Variants in RRAGB observed in about 807,000 individuals in gnomAD.
The protein encoded by RRAGB is ras-related GTP-binding protein B.
RRAGB carries 6 observed loss-of-function variants against 29.3 expected under a neutral mutation model. The ratio of observed to expected loss-of-function variants is 0.21; its 90% CI spans 0.11 to 0.40. The LOEUF (loss-of-function observed/expected upper bound fraction) is 0.40. Ranked by LOEUF, RRAGB falls within the 10% of genes least tolerant of loss-of-function variation. RRAGB has a pLI of 1.00. For missense variants in RRAGB, 184 were observed against 272.9 expected (o/e 0.67, Z 2.29); for synonymous variants, 101 against 92.5 (o/e 1.09, Z -0.53).
At chrX:55,733,092 A>G (rs982638304) in intron 5 of RRAGB, among the ~76,000 whole-genome samples, 3 of 111,053 alleles carry the variant, frequency 2.7e-5, no homozygotes, top group African/African-American at 6.6e-5. Context: ...ATTATACCCA[A>G]TAGGTAATTT....
chrX:55,751,288 A>G (rs1158770432), intron 6 of RRAGB, 92 bp downstream of exon 6: 2 of 466,056 alleles, frequency 4.3e-6, no homozygotes, highest in African/African-American at 2.5e-5. Context: ...AAACTATTTC[A>G]TAGCCATCTA....
chrX:55,753,637 C>A, intron 7 of RRAGB, 123 bp downstream of exon 7: 1 of 638,139 alleles, frequency 1.6e-6, no homozygotes, highest in Non-Finnish European at 2.3e-6. Context: ...TTAGCATGTA[C>A]AGACTTATTT....
chrX:55,753,369 A>G (rs1183248823), intron 6 of RRAGB, 23 bp from the exon 7 acceptor site: 4 of 1,175,204 alleles, frequency 3.4e-6, no homozygotes, highest in Non-Finnish European at 4.6e-6. Context: ...TAATAATAGT[A>G]CACTGTGTTT....
intron 5 of RRAGB, among the ~76,000 whole-genome samples, chrX:55,738,431 CA>C (rs749342473): frequency 2.7e-5 from 3 of 112,275 alleles, no homozygotes; most frequent in African/African-American, 9.7e-5. Flanking sequence ...CAGGTGTAAG[CA>C]CAAGCTATGA....
chrX:55,721,636 T>G (rs376109167), intron 2 of RRAGB, among the ~76,000 whole-genome samples: 1 of 111,163 alleles, frequency 9.0e-6, no homozygotes, highest in Non-Finnish European at 1.9e-5. Context: ...GAGGGTCTTA[T>G]ATGTAGTCTA....
Position 55,731,469 on chromosome X carries a change from A to C in RRAGB, c.399A>C (p.Glu133Asp), listed in dbSNP as rs768419139. ...TTGATGTGGAGAGCCGCGAACTGGA[A>C]AAGGACATGCACTATTACCAATCAT... ...YVFDVESREL[E>D]KDMHYYQSCL... is the part of the protein sequence containing the mutation. Residue 133 changes from glutamate (E) to aspartate (D), a missense_variant, in exon 5 of 10, where the codon GAA (glutamate) becomes GAC (aspartate). Coordinates refer to ENST00000374941, the MANE Select transcript of RRAGB (RefSeq NM_006064.5). The C allele has an allele frequency of 2.5e-6, 3 of 1,208,500 alleles. No individual in the cohort carries two copies. The highest frequency in any genetic ancestry group is 3.4e-6 in the Non-Finnish European group (3 of 892,817).
At position 55,733,931 on chromosome X, in the gene RRAGB, G is replaced by T. The variant is rs762447939; in HGVS notation, c.516+2345G>T. On this transcript the variant is annotated intron_variant, in intron 5 of 9. Transcript: ENST00000374941. Reference sequence around the variant, plus strand: ...GGCTATGAATCTATCTGGTCCTGGGGTTTTTTTTTTTGGTTGGGAAATTTT... The same window carrying T: ...GGCTATGAATCTATCTGGTCCTGGGTTTTTTTTTTTTGGTTGGGAAATTTT... Among the ~76,000 whole-genome samples the T allele has an allele frequency of 6.3e-4, 63 of 100,177 alleles. 1 individual carries two copies. The East Asian group carries it at 8.9e-3, about 14-fold the overall frequency. The allele number at this position is 100,177 out of a possible 115,157, so 87.0% of individuals were successfully genotyped here.
At chrX:55,727,145 A>T (rs191872480) in intron 3 of RRAGB, among the ~76,000 whole-genome samples, 107 of 111,764 alleles carry the variant, frequency 9.6e-4, no homozygotes, top group African/African-American at 3.4e-3. Context: ...GGATTTGGTT[A>T]TGGGGCCATT....
chrX:55,748,046 T>C (rs1369922840), intron 5 of RRAGB, among the ~76,000 whole-genome samples: 1 of 112,563 alleles, frequency 8.9e-6, no homozygotes, highest in Non-Finnish European at 1.9e-5. Context: ...TTTCGTATTT[T>C]TTTGGTGGAG....
In RRAGB at chrX:55,719,295, T is replaced by C; in HGVS notation, c.93-19T>C. 1 of 1,180,811 alleles carries C rather than the reference T, an allele frequency of 8.5e-7. No homozygotes were observed. Among genetic ancestry groups the C allele is most frequent in the African/African-American group, 1.8e-5 (1 of 56,455 alleles). On this transcript the variant is annotated intron_variant, in intron 1 of 9. Transcript: ENST00000374941. ...AGGGAATTGGATCATGGAAACTGTT[T>C]TTTGGTTTATATCTGCAGGTGGGTG...
chrX:55,746,793 A>G (rs2034262124), intron 5 of RRAGB, among the ~76,000 whole-genome samples: 1 of 111,691 alleles, frequency 9.0e-6, no homozygotes, highest in Admixed American at 9.5e-5. Context: ...CAACCATCCA[A>G]ACAAACTGTT....
intron 2 of RRAGB, among the ~76,000 whole-genome samples, chrX:55,719,573 C>T (rs959663422): frequency 2.7e-5 from 3 of 111,917 alleles, no homozygotes; most frequent in Non-Finnish European, 5.6e-5. Context: ...TCTTTAAGCC[C>T]ATGGAATAAA....
At chrX:55,748,624 C>T (rs1439482427) in intron 5 of RRAGB, among the ~76,000 whole-genome samples, 1 of 109,610 alleles carries the variant, frequency 9.1e-6, no homozygotes, top group Admixed American at 9.5e-5. Context: ...AGGAGACCCT[C>T]CGCCTGGCAA....
chrX:55,758,204 C>T, intron 9 of RRAGB, 42 bp from the exon 10 acceptor site: 1 of 955,630 alleles, frequency 1.0e-6, no homozygotes, highest in Non-Finnish European at 1.5e-6. Context: ...CCTTTGGCTG[C>T]CCATACTTAA....
At chrX:55,755,384 C>T in intron 7 of RRAGB, 1 of 746,821 alleles carries the variant, frequency 1.3e-6, no homozygotes. Flanking sequence ...TGGAATCAAA[C>T]AGTTAAGCTT....
rs2033121455 is a variant in RRAGB at position 55,718,171 on chromosome X, C to G, written c.-157C>G. ...GGTAACCGTGGGGAAAGCGGCCCCC[C>G]AGTGGACAAAGGCGGAGGCAAGAAT... On this transcript the variant is annotated 5_prime_UTR_variant, in exon 1 of 10. Coordinates refer to ENST00000374941, the MANE Select transcript of RRAGB (RefSeq NM_006064.5). 4 of 352,165 alleles carry G rather than the reference C, an allele frequency of 1.1e-5. No individual in the cohort carries two copies. The highest frequency in any genetic ancestry group is 5.2e-5 in the Admixed American group (1 of 19,174). The allele number at this position is 352,165 out of a possible 1,213,427, so 29.0% of individuals were successfully genotyped here. A position where few individuals can be genotyped will look rare whatever the true frequency, so the allele number is the denominator to read the frequency against.
At chrX:55,725,837 T>A (rs1440954936) in intron 3 of RRAGB, among the ~76,000 whole-genome samples, 1 of 111,808 alleles carries the variant, frequency 8.9e-6, no homozygotes, top group East Asian at 2.8e-4. Flanking sequence ...TCTTCCATTA[T>A]CTTTAATTAT....
In RRAGB at chrX:55,727,710, A is replaced by G. The variant is rs187148170; in HGVS notation, c.227-1584A>G. Among the ~76,000 whole-genome samples, 19 of 112,114 alleles carry G rather than the reference A, an allele frequency of 1.7e-4. No homozygotes were observed. In the East Asian group the frequency reaches 2.8e-3, roughly 16 times the overall value. On this transcript the variant is annotated intron_variant, in intron 3 of 9. Transcript: ENST00000374941. The stretch of plus-strand genomic sequence containing the variant: ...GTGATGTAGTTTATAAGAAGATAAA[A>G]TTGCACAAAAGTTAGATAGCAGTCA...
intron 4 of RRAGB, among the ~76,000 whole-genome samples, chrX:55,730,423 A>G (rs1032147383): frequency 1.8e-5 from 2 of 111,924 alleles, no homozygotes; most frequent in African/African-American, 3.2e-5. Flanking sequence ...TTTTAGAGAT[A>G]AGGCAACTGA....
Sources: allele counts gnomAD v4.1 joint callset (sites outside exome capture counted in the v4.1 genomes callset), GRCh38; gene constraint gnomAD v4.1.1; transcripts MANE v1.5; gene names NCBI Gene and HGNC (gene_info 2026-07-23, HGNC 2026-07-21).